Variants in ZNF562 observed in about 807,000 individuals in gnomAD.
ZNF562 encodes zinc finger protein 562.
ZNF562 carries 13 observed loss-of-function variants against 17.5 expected under a neutral mutation model. The observed-to-expected ratio is 0.74, with a 90% CI of 0.48 to 1.18. The LOEUF is 1.18. Ranked by LOEUF, ZNF562 falls within the 50% of genes most tolerant of loss-of-function variation. The pLI is 0.00. For missense variants in ZNF562, 481 were observed against 498.5 expected (o/e 0.96, Z 0.33); for synonymous variants, 163 against 165.4 (o/e 0.99, Z 0.11).
chr19:9,649,593 T>C lies in ZNF562; in HGVS notation c.*3356A>G, dbSNP rs1473990408. On this transcript the variant is annotated 3_prime_UTR_variant, in exon 6 of 6. Coordinates refer to ENST00000453372, the MANE Select transcript of ZNF562 (RefSeq NM_001130031.2). ...TATGGTCGAGACTGCAGGGGTGAAA[T>C]AGACCCCAGTCTCCCATAGCACTCC... The C allele has an allele frequency of 6.6e-6, 1 of 152,052 alleles. No homozygotes were observed. Among genetic ancestry groups the C allele is most frequent in the Non-Finnish European group, 1.5e-5 (1 of 68,014 alleles). 9.4% of individuals were successfully genotyped at this position (152,052 alleles called of 1,614,324 possible).
At chr19:9,673,372 C>T (rs970724358) in intron 1 of ZNF562, among the ~76,000 whole-genome samples, 3 of 152,080 alleles carry the variant, frequency 2.0e-5, no homozygotes, top group Admixed American at 1.3e-4. Context: ...AAAACTTTTG[C>T]CTGAGTGCTG....
At position 9,664,104 on chromosome 19, in the gene ZNF562, T is replaced by G. The variant is rs2043858362; in HGVS notation, c.-130-3230A>C. On this transcript the variant is annotated intron_variant, in intron 1 of 5. Coordinates refer to ENST00000453372, the MANE Select transcript of ZNF562 (RefSeq NM_001130031.2). ...GTTTTTTAAGACAGAGTTTCACTCTTGTTGTCCAGCCAGGAGTGCAATGGC... is the reference window on the plus strand; with the variant it reads ...GTTTTTTAAGACAGAGTTTCACTCTGGTTGTCCAGCCAGGAGTGCAATGGC... Among the ~76,000 whole-genome samples, 3 of 152,088 alleles carry G rather than the reference T, an allele frequency of 2.0e-5. No individual in the cohort carries two copies. In the South Asian group the frequency reaches 6.2e-4, roughly 32 times the overall value.
In ZNF562 at chr19:9,652,920, A is replaced by G. The variant is rs749984449; in HGVS notation, c.*29T>C. ...GGAGTTCACAGGTGGGGTGAGGAAT[A>G]CAGAAATTCTTTCCCACATATCTTG... On this transcript the variant is annotated 3_prime_UTR_variant, in exon 6 of 6. Coordinates refer to ENST00000453372, the MANE Select transcript of ZNF562 (RefSeq NM_001130031.2). 3.4e-6 allele frequency: 5 copies of G among 1,470,620 alleles called. No homozygotes were observed. The highest frequency in any genetic ancestry group is 3.6e-6 in the Non-Finnish European group (4 of 1,110,330). The allele number at this position is 1,470,620 out of a possible 1,614,324, so 91.1% of individuals were successfully genotyped here. A position where few individuals can be genotyped will look rare whatever the true frequency, so the allele number is the denominator to read the frequency against.
chr19:9,648,334 A>C lies in ZNF562; in HGVS notation c.*4615T>G, dbSNP rs2074823585. ...ATTTATTTATTTTTGACAGAGTCGC[A>C]CCCTGTCACCCAGCATGGAGTGCAG... On this transcript the variant is annotated 3_prime_UTR_variant, in exon 6 of 6. Coordinates refer to ENST00000453372, the MANE Select transcript of ZNF562 (RefSeq NM_001130031.2). 1 of 152,156 alleles carries C rather than the reference A, an allele frequency of 6.6e-6. No individual in the cohort carries two copies. The highest frequency in any genetic ancestry group is 6.5e-5 in the Admixed American group (1 of 15,268). 9.4% of individuals were successfully genotyped at this position (152,156 alleles called of 1,614,324 possible).
In ZNF562 at chr19:9,644,422, CT is replaced by C. The variant is rs2074793144; in HGVS notation, c.*8526del. On this transcript the variant is annotated 3_prime_UTR_variant, in exon 6 of 6. Coordinates refer to ENST00000453372, the MANE Select transcript of ZNF562 (RefSeq NM_001130031.2). ...CCTGGGCAATGGAGTGAGATACCTT[CT>C]CTACCAAAATAAAAAAGTGTGAGTT... 6.6e-6 allele frequency: 1 copy of C among 152,096 alleles called. No individual in the cohort carries two copies. Among genetic ancestry groups the C allele is most frequent in the East Asian group, 1.9e-4 (1 of 5,192 alleles). The allele number at this position is 152,096 out of a possible 1,614,324, so 9.4% of individuals were successfully genotyped here. A position where few individuals can be genotyped will look rare whatever the true frequency, so the allele number is the denominator to read the frequency against.
At position 9,643,616 on chromosome 19, in the gene ZNF562, C is replaced by G. The variant is rs1215507129; in HGVS notation, c.*9333G>C. 3.6e-5 allele frequency: 5 copies of G among 139,234 alleles called. No homozygotes were observed. Among genetic ancestry groups the G allele is most frequent in the African/African-American group, 1.3e-4 (5 of 37,100 alleles). The allele number at this position is 139,234 out of a possible 1,614,324, so 8.6% of individuals were successfully genotyped here. On this transcript the variant is annotated 3_prime_UTR_variant, in exon 6 of 6. Coordinates refer to ENST00000453372, the MANE Select transcript of ZNF562 (RefSeq NM_001130031.2). ...TTTTTTTTTTAAATGGAGTCTTGCT[C>G]TGTTGCCCAGGCTGGAATGCAGTGG...
chr19:9,657,690 G>A (rs990400181), intron 4 of ZNF562, among the ~76,000 whole-genome samples: 1 of 151,678 alleles, frequency 6.6e-6, no homozygotes, highest in African/African-American at 2.4e-5. Flanking sequence ...GGGACTACAG[G>A]CATGTGCCAC....
intron 4 of ZNF562, 29 bp downstream of exon 4, chr19:9,657,980 C>T (rs775904127): frequency 6.3e-7 from 1 of 1,598,180 alleles, no homozygotes; most frequent in Non-Finnish European, 8.5e-7. Flanking sequence ...TGCAGGCCAC[C>T]ATGCCAAGCA....
At chr19:9,665,841 C>T (rs900649221) in intron 1 of ZNF562, among the ~76,000 whole-genome samples, 2 of 150,086 alleles carry the variant, frequency 1.3e-5, no homozygotes, top group East Asian at 4.0e-4. Context: ...ATGATGAAAA[C>T]CCATCTCTAC....
At chr19:9,660,458 T>C (rs1397718029) in intron 2 of ZNF562, among the ~76,000 whole-genome samples, 1 of 151,842 alleles carries the variant, frequency 6.6e-6, no homozygotes, top group Non-Finnish European at 1.5e-5. Context: ...GAAACCCGTC[T>C]CCACTAAAAA....
At chr19:9,660,088 CAAAAAAAAAAA>C (rs1175978470) in intron 2 of ZNF562, among the ~76,000 whole-genome samples, 1 of 48,278 alleles carries the variant, frequency 2.1e-5, no homozygotes, top group African/African-American at 6.5e-5. Context: ...GACTCCATCT[CAAAAAAAAAAA>C]AAAAAAAAAA....
chr19:9,666,370 T>C (rs2043960344), intron 1 of ZNF562, among the ~76,000 whole-genome samples: 1 of 151,852 alleles, frequency 6.6e-6, no homozygotes, highest in Admixed American at 6.6e-5. Flanking sequence ...GTTTTGGTTT[T>C]GGTATGTTGA....
chr19:9,661,787 T>G (rs1045365553), intron 1 of ZNF562, among the ~76,000 whole-genome samples: 1 of 152,066 alleles, frequency 6.6e-6, no homozygotes, highest in Non-Finnish European at 1.5e-5. Context: ...AGTGCGAGAC[T>G]CCATCTCAAA....
intron 5 of ZNF562, among the ~76,000 whole-genome samples, chr19:9,654,465 T>C (rs1366311348): frequency 6.6e-6 from 1 of 152,022 alleles, no homozygotes; most frequent in Non-Finnish European, 1.5e-5. Flanking sequence ...GATTTATTTA[T>C]TTATTTTATT....
In ZNF562 at chr19:9,645,951, A is replaced by G. The variant is rs2074803326; in HGVS notation, c.*6998T>C. 1 of 152,240 alleles carries G rather than the reference A, an allele frequency of 6.6e-6. No individual in the cohort carries two copies. The highest frequency in any genetic ancestry group is 6.5e-5 in the Admixed American group (1 of 15,272). 9.4% of individuals were successfully genotyped at this position (152,240 alleles called of 1,614,324 possible). Reference sequence around the variant, plus strand: ...CACATCAGTACAAAGAGGGGAACACAATGAAACAAACAAAAAAAATTAGAT... The same window carrying G: ...CACATCAGTACAAAGAGGGGAACACGATGAAACAAACAAAAAAAATTAGAT... On this transcript the variant is annotated 3_prime_UTR_variant, in exon 6 of 6. Coordinates refer to ENST00000453372, the MANE Select transcript of ZNF562 (RefSeq NM_001130031.2).
At position 9,646,306 on chromosome 19, in the gene ZNF562, G is replaced by C. The variant is rs2074806045; in HGVS notation, c.*6643C>G. On this transcript the variant is annotated 3_prime_UTR_variant, in exon 6 of 6. Transcript: ENST00000453372. The stretch of plus-strand genomic sequence containing the variant: ...GGCTGGTCTCGAACTCCCGACCTCA[G>C]GTGATCACCTGCCTTGGCCTCCCAA... The C allele has an allele frequency of 6.6e-6, 1 of 151,990 alleles. No homozygotes were observed. Among genetic ancestry groups the C allele is most frequent in the Admixed American group, 6.6e-5 (1 of 15,254 alleles). The allele number at this position is 151,990 out of a possible 1,614,324, so 9.4% of individuals were successfully genotyped here. A position where few individuals can be genotyped will look rare whatever the true frequency, so the allele number is the denominator to read the frequency against.
rs1020613960 is a variant in ZNF562 at position 9,673,037 on chromosome 19, C to A, written c.-131+1978G>T. Among the ~76,000 whole-genome samples the A allele has an allele frequency of 2.0e-5, 3 of 152,094 alleles. No homozygotes were observed. The South Asian group carries it at 6.2e-4, about 32-fold the overall frequency. On this transcript the variant is annotated intron_variant, in intron 1 of 5. Transcript: ENST00000453372. ...CCTCCTTGCCTCTAGTTACTGTAAA[C>A]AACCTTCCCATCAGCTCTAATCAAT...
chr19:9,657,980 C>A (rs775904127), intron 4 of ZNF562, 29 bp downstream of exon 4: 1 of 1,598,298 alleles, frequency 6.3e-7, no homozygotes, highest in Non-Finnish European at 8.5e-7. Flanking sequence ...TGCAGGCCAC[C>A]ATGCCAAGCA....
At chr19:9,671,736 C>A (rs1035995713) in intron 1 of ZNF562, among the ~76,000 whole-genome samples, 2 of 152,196 alleles carry the variant, frequency 1.3e-5, no homozygotes, top group African/African-American at 4.8e-5. Flanking sequence ...TGGAAGCCTC[C>A]GGCATGCACC....
Sources: allele counts gnomAD v4.1 joint callset (sites outside exome capture counted in the v4.1 genomes callset), GRCh38; gene constraint gnomAD v4.1.1; transcripts MANE v1.5; gene names NCBI Gene and HGNC (gene_info 2026-07-23, HGNC 2026-07-21).